CENPP: variants seen among roughly 807,000 people sequenced by gnomAD.
The protein encoded by CENPP is centromere protein P.
A neutral mutation model predicts 35.6 loss-of-function variants in CENPP; 24 were observed. The ratio of observed to expected loss-of-function variants is 0.67; its 90% CI spans 0.49 to 0.95. The LOEUF (loss-of-function observed/expected upper bound fraction) is 0.95. Among genes scored for constraint, CENPP ranks in the 40% least tolerant of loss-of-function variants. The pLI, the probability that CENPP is intolerant of heterozygous loss-of-function variation, is 0.00. For missense variants in CENPP, 332 were observed against 345.3 expected, an observed-to-expected ratio of 0.96 and a Z score of 0.31; for synonymous variants, 120 against 125.5, an observed-to-expected ratio of 0.96 and a Z score of 0.29.
Position 92,618,111 on chromosome 9 carries a change from G to A in CENPP, c.*4962G>A, listed in dbSNP as rs936070856. On this transcript the variant is annotated 3_prime_UTR_variant, in exon 8 of 8. Coordinates refer to ENST00000375587, the MANE Select transcript of CENPP (RefSeq NM_001012267.3). ...ACAGTTACTGGAACTTCACAGGTGC[G>A]GCCACTGCGCACACCTTCCTGGAAG... 7 of 393,794 alleles carry A rather than the reference G, an allele frequency of 1.8e-5. No homozygotes were observed. Among genetic ancestry groups the A allele is most frequent in the African/African-American group, 2.1e-5 (1 of 47,646 alleles). 24.4% of individuals were successfully genotyped at this position (393,794 alleles called of 1,614,324 possible). A position where few individuals can be genotyped will look rare whatever the true frequency, so the allele number is the denominator to read the frequency against.
At chr9:92,558,756 A>T (rs971498593) in intron 5 of CENPP, among the ~76,000 whole-genome samples, 1 of 152,060 alleles carries the variant, frequency 6.6e-6, no homozygotes, top group South Asian at 2.1e-4. Context: ...AAGGACCATC[A>T]GGTGGGGACA....
chr9:92,405,611 C>T lies in CENPP; in HGVS notation c.564+25752C>T, dbSNP rs532389603. On this transcript the variant is annotated intron_variant, in intron 5 of 7. Transcript: ENST00000375587. Reference sequence around the variant, plus strand: ...GGATACAGTAAAACTTTTTTAAATACTTTGAAATATATAATAATGAAACAA... The same window carrying T: ...GGATACAGTAAAACTTTTTTAAATATTTTGAAATATATAATAATGAAACAA... Among the ~76,000 whole-genome samples the T allele has an allele frequency of 2.0e-3, 302 of 152,070 alleles. 3 individuals are homozygous for T. Among genetic ancestry groups the T allele is most frequent in the African/African-American group, 7.0e-3 (291 of 41,474 alleles).
intron 5 of CENPP, among the ~76,000 whole-genome samples, chr9:92,555,348 T>C (rs971463941): frequency 7.0e-6 from 1 of 143,330 alleles, no homozygotes; most frequent in Non-Finnish European, 1.5e-5. Flanking sequence ...TGCCTCAACC[T>C]CCCGAGTAGC....
intron 5 of CENPP, among the ~76,000 whole-genome samples, chr9:92,516,069 T>C (rs1202758954): frequency 7.0e-6 from 1 of 142,158 alleles, no homozygotes; most frequent in Non-Finnish European, 1.6e-5. Context: ...GCATACTTTT[T>C]TTTCCCCCCC....
intron 5 of CENPP, among the ~76,000 whole-genome samples, chr9:92,382,419 A>T (rs1158956085): frequency 6.6e-6 from 1 of 152,084 alleles, no homozygotes; most frequent in Non-Finnish European, 1.5e-5. Context: ...TATTATCGTT[A>T]ATTATAGTCA....
chr9:92,587,064 C>T (rs1850556933), intron 5 of CENPP, among the ~76,000 whole-genome samples: 1 of 151,916 alleles, frequency 6.6e-6, no homozygotes, highest in South Asian at 2.1e-4. Context: ...ATTGGACTTA[C>T]TAGACAAACA....
intron 5 of CENPP, chr9:92,474,820 C>A: frequency 6.2e-7 from 1 of 1,613,920 alleles, no homozygotes; most frequent in Non-Finnish European, 8.5e-7. Flanking sequence ...TCATATTCTT[C>A]AGTGCGATGT....
chr9:92,431,879 C>A (rs1226785217), intron 5 of CENPP, among the ~76,000 whole-genome samples: 7 of 152,106 alleles, frequency 4.6e-5, no homozygotes, highest in Non-Finnish European at 7.4e-5. Flanking sequence ...GGCCTTTACT[C>A]ATTTTTCTAT....
chr9:92,598,342 A>G (rs1850829454), intron 5 of CENPP, among the ~76,000 whole-genome samples: 1 of 152,232 alleles, frequency 6.6e-6, no homozygotes, highest in African/African-American at 2.4e-5. Context: ...CCAGCACAGT[A>G]GTCCTTGCTC....
chr9:92,435,524 G>T (rs985184691), intron 5 of CENPP, among the ~76,000 whole-genome samples: 1 of 152,054 alleles, frequency 6.6e-6, no homozygotes, highest in Non-Finnish European at 1.5e-5. Flanking sequence ...TTTTATCCCT[G>T]CAAGAGTTTC....
rs534013453 is a variant in CENPP at position 92,460,681 on chromosome 9, C to T, written c.564+80822C>T. On this transcript the variant is annotated intron_variant, in intron 5 of 7. Coordinates refer to ENST00000375587, the MANE Select transcript of CENPP (RefSeq NM_001012267.3). ...TTAGGCAACTTTTTAGGCACTAACT[C>T]TTTTTTTTCTTTGAGACAGAGTTTC... 203 of 618,388 alleles carry T rather than the reference C, an allele frequency of 3.3e-4. 2 individuals are homozygous for T. Among genetic ancestry groups the T allele is most frequent in the South Asian group, 1.5e-3 (74 of 48,458 alleles). The allele number at this position is 618,388 out of a possible 1,614,324, so 38.3% of individuals were successfully genotyped here.
chr9:92,457,748 G>A (rs1844933650), intron 5 of CENPP, among the ~76,000 whole-genome samples: 1 of 151,678 alleles, frequency 6.6e-6, no homozygotes, highest in Admixed American at 6.6e-5. Context: ...ATGGGTCGCT[G>A]TCTCTCTCTC....
chr9:92,343,764 A>G (rs766620671), intron 3 of CENPP, among the ~76,000 whole-genome samples: 1 of 152,120 alleles, frequency 6.6e-6, no homozygotes, highest in Non-Finnish European at 1.5e-5. Flanking sequence ...TGGGCAACAT[A>G]GCGAGACCCT....
rs1024429289 is a variant in CENPP at position 92,618,348 on chromosome 9, C to T, written c.*5199C>T. The T allele has an allele frequency of 4.4e-6, 2 of 456,610 alleles. No individual in the cohort carries two copies. The highest frequency in any genetic ancestry group is 8.8e-6 in the Non-Finnish European group (2 of 226,980). 28.3% of individuals were successfully genotyped at this position (456,610 alleles called of 1,614,324 possible). Reference sequence around the variant, plus strand: ...CTGCTGAGCAGCTGGTCGTAAGGACCCGGGCCTTCAGCTTTCCCCGCATGC... The same window carrying T: ...CTGCTGAGCAGCTGGTCGTAAGGACTCGGGCCTTCAGCTTTCCCCGCATGC... On this transcript the variant is annotated 3_prime_UTR_variant, in exon 8 of 8. Coordinates refer to ENST00000375587, the MANE Select transcript of CENPP (RefSeq NM_001012267.3).
At chr9:92,421,087 C>G (rs1843776991) in intron 5 of CENPP, among the ~76,000 whole-genome samples, 1 of 152,138 alleles carries the variant, frequency 6.6e-6, no homozygotes, top group Non-Finnish European at 1.5e-5. Context: ...CTCTGTCACC[C>G]AGGCTGGAGC....
chr9:92,460,044 A>G lies in CENPP; in HGVS notation c.564+80185A>G, dbSNP rs546339582. On this transcript the variant is annotated intron_variant, in intron 5 of 7. Transcript: ENST00000375587. ...TTCGCCCCTATCAGCAGAGGTGGTAATAACGGTGGTTCTTTTTTTTTTTTT... is the reference window on the plus strand; with the variant it reads ...TTCGCCCCTATCAGCAGAGGTGGTAGTAACGGTGGTTCTTTTTTTTTTTTT... Among the ~76,000 whole-genome samples the G allele has an allele frequency of 6.0e-5, 9 of 150,622 alleles. No homozygotes were observed. The East Asian group carries it at 1.8e-3, about 29-fold the overall frequency.
chr9:92,512,020 T>C, intron 5 of CENPP: 1 of 1,611,118 alleles, frequency 6.2e-7, no homozygotes, highest in South Asian at 1.1e-5. Flanking sequence ...CCTTGAATGC[T>C]TTTGGACCTA....
At chr9:92,360,260 A>G (rs1841711152) in intron 4 of CENPP, among the ~76,000 whole-genome samples, 1 of 152,184 alleles carries the variant, frequency 6.6e-6, no homozygotes, top group African/African-American at 2.4e-5. Flanking sequence ...CACTGCAGTT[A>G]TAGTCTTGTG....
At chr9:92,438,384 A>T (rs767193949) in intron 5 of CENPP, among the ~76,000 whole-genome samples, 19 of 152,232 alleles carry the variant, frequency 1.2e-4, no homozygotes, top group Non-Finnish European at 2.6e-4. Flanking sequence ...TTAACCATAA[A>T]TGTGCAGGTT....
Sources: allele counts gnomAD v4.1 joint callset (sites outside exome capture counted in the v4.1 genomes callset), GRCh38; gene constraint gnomAD v4.1.1; transcripts MANE v1.5; gene names NCBI Gene and HGNC (gene_info 2026-07-23, HGNC 2026-07-21).